The following DLG5 variants were observed in gnomAD, a reference collection of about 807,000 sequenced individuals.
The protein encoded by DLG5 is disks large homolog 5.
In DLG5, 48 loss-of-function variants were observed where a neutral mutation model predicts 189.8. That is an observed-to-expected ratio of 0.25 (90% confidence interval 0.20 to 0.32). DLG5 has a LOEUF of 0.32. DLG5 is among the 10% of genes least tolerant of loss of function. DLG5 has a pLI of 1.00. For synonymous variants in DLG5, 1,016 were observed against 1,054.1 expected, an observed-to-expected ratio of 0.96 and a Z score of 0.70; for missense variants, 2,160 against 2,544.7, an observed-to-expected ratio of 0.85 and a Z score of 3.25.
In DLG5 at chr10:77,829,439, C is replaced by T. The variant is rs1339927133; in HGVS notation, c.2101G>A (p.Ala701Thr). The change falls in exon 12 of 32, where the codon GCC becomes ACC. Residue 701 changes from alanine (A) to threonine (T), a missense_variant. Transcript: ENST00000372391. ...AIKALLNGEG[A>T]INMVVRRRKS... ...CTCCGCCGCACGACCATGTTGATGG[C>T]CCCCTCCCCATTGAGGAGCGCCTTG... 1.9e-6 allele frequency: 3 copies of T among 1,614,080 alleles called. No individual in the cohort carries two copies. Among genetic ancestry groups the T allele is most frequent in the Non-Finnish European group, 2.5e-6 (3 of 1,180,040 alleles).
At chr10:77,872,528 G>A (rs776441217) in intron 1 of DLG5, among the ~76,000 whole-genome samples, 2 of 152,180 alleles carry the variant, frequency 1.3e-5, no homozygotes, top group African/African-American at 2.4e-5. Context: ...GAGCTGGTGG[G>A]GGGAGTGGTT....
At chr10:77,935,969 A>G in the DLG5 span, among the ~76,000 whole-genome samples, 2 of 152,228 alleles carry the variant, frequency 1.3e-5, no homozygotes, top group Non-Finnish European at 2.9e-5. Flanking sequence ...GGAAAATGCC[A>G]TATTGCACAC....
Position 77,822,161 on chromosome 10 carries a change from A to T in DLG5, c.2383-60T>A, listed in dbSNP as rs977354486. ...TGAGATGGCAGGACTTGGAGCTGCC[A>T]CTGAAAACCATCCCCAGAGGTAAAG... On this transcript the variant is annotated intron_variant, in intron 14 of 31. Transcript: ENST00000372391. 74 of 1,548,348 alleles carry T rather than the reference A, an allele frequency of 4.8e-5. No individual in the cohort carries two copies. The African/African-American group carries it at 9.5e-4, about 20-fold the overall frequency.
chr10:77,846,536 A>T (rs1021389556), intron 5 of DLG5, among the ~76,000 whole-genome samples: 1 of 151,742 alleles, frequency 6.6e-6, no homozygotes, highest in African/African-American at 2.4e-5. Context: ...GTCTCTACTA[A>T]AAATACAAAA....
chr10:77,901,009 G>A (rs1429808718), intron 1 of DLG5, among the ~76,000 whole-genome samples: 1 of 151,936 alleles, frequency 6.6e-6, no homozygotes, highest in Non-Finnish European at 1.5e-5. Flanking sequence ...CAGCTACTTG[G>A]GAGGCTGAGG....
At chr10:77,798,384 T>C (rs1186037039) in intron 27 of DLG5, among the ~76,000 whole-genome samples, 4 of 152,000 alleles carry the variant, frequency 2.6e-5, no homozygotes, top group Admixed American at 2.6e-4. Context: ...GGCAAAGAAC[T>C]TCCTCCGAGA....
chr10:77,848,878 G>A (rs1414686098), intron 5 of DLG5, among the ~76,000 whole-genome samples: 2 of 152,090 alleles, frequency 1.3e-5, no homozygotes, highest in African/African-American at 2.4e-5. Context: ...TGCCCACATT[G>A]GTTGAAGATT....
At chr10:77,935,647 A>C in the DLG5 span, among the ~76,000 whole-genome samples, 1 of 152,208 alleles carries the variant, frequency 6.6e-6, no homozygotes, top group African/African-American at 2.4e-5. Context: ...GTGTCTGTGC[A>C]TGTTAGCGCA....
Position 77,856,854 on chromosome 10 carries a change from T to C in DLG5, c.412A>G (p.Thr138Ala). 1 of 1,612,260 alleles carries C rather than the reference T, an allele frequency of 6.2e-7. No homozygotes were observed. The highest frequency in any genetic ancestry group is 8.5e-7 in the Non-Finnish European group (1 of 1,179,878). The stretch of plus-strand genomic sequence containing the variant: ...ACCTTCTCATTCACTTGCTGGTCAG[T>C]GAGGAGGGGTGGTGGGGACGGCGCC... ...GKAPSPPPLL[T>A]DQQVNEKVEN... The change falls in exon 3 of 32, where the codon ACT becomes GCT. Residue 138 changes from threonine to alanine, a missense_variant. Physicochemically the swap from Thr to Ala is moderately conservative, Grantham distance 58. This residue lies in a region of DLG5 where 664 missense variants were observed against 838.5 expected (regional missense o/e 0.79). Coordinates refer to ENST00000372391, the MANE Select transcript of DLG5 (RefSeq NM_004747.4).
At chr10:77,799,974 T>C (rs1482022634) in intron 27 of DLG5, among the ~76,000 whole-genome samples, 2 of 152,016 alleles carry the variant, frequency 1.3e-5, no homozygotes, top group African/African-American at 4.8e-5. Context: ...CCTCCATATA[T>C]TCCTGAGACA....
chr10:77,826,437 G>A (rs1476460776), intron 13 of DLG5, among the ~76,000 whole-genome samples: 1 of 151,930 alleles, frequency 6.6e-6, no homozygotes, highest in East Asian at 1.9e-4. Context: ...ACCAGCCTGG[G>A]CAACATGGTG....
intron 1 of DLG5, among the ~76,000 whole-genome samples, chr10:77,899,791 C>G (rs2818830): frequency 1.3e-5 from 2 of 151,996 alleles, no homozygotes; most frequent in Non-Finnish European, 2.9e-5. Flanking sequence ...CCATCCCTGC[C>G]GCCCACTGGA....
chr10:77,849,286 G>A (rs536620099), intron 5 of DLG5, among the ~76,000 whole-genome samples: 15 of 152,350 alleles, frequency 9.8e-5, no homozygotes, highest in African/African-American at 2.6e-4. Flanking sequence ...GGAGGAACCC[G>A]GCAACAAAAC....
intron 20 of DLG5, among the ~76,000 whole-genome samples, chr10:77,815,728 G>A (rs1288844079): frequency 6.6e-6 from 1 of 152,230 alleles, no homozygotes; most frequent in Non-Finnish European, 1.5e-5. Context: ...AGAGGCCTCA[G>A]CTTTCTGGAC....
intron 1 of DLG5, among the ~76,000 whole-genome samples, chr10:77,887,194 G>A (rs1845465809): frequency 6.6e-6 from 1 of 152,116 alleles, no homozygotes; most frequent in Non-Finnish European, 1.5e-5. Flanking sequence ...AGAACCCCAA[G>A]GCTCTCCAAG....
At chr10:77,825,599 AG>A (rs989302838) in intron 13 of DLG5, among the ~76,000 whole-genome samples, 1 of 151,376 alleles carries the variant, frequency 6.6e-6, no homozygotes, top group Non-Finnish European at 1.5e-5. Context: ...TCTGTCCCTC[AG>A]GCTGAAGTGC....
chr10:77,842,869 A>G (rs1174559787), intron 6 of DLG5, among the ~76,000 whole-genome samples: 1 of 152,244 alleles, frequency 6.6e-6, no homozygotes, highest in East Asian at 1.9e-4. Context: ...TGCAGCAGAG[A>G]CATCTGTCTG....
intron 1 of DLG5, among the ~76,000 whole-genome samples, chr10:77,918,359 C>A (rs1846432519): frequency 6.6e-6 from 1 of 151,890 alleles, no homozygotes; most frequent in South Asian, 2.1e-4. Context: ...GTTGCATGAG[C>A]CGAGATCGCA....
chr10:77,869,233 A>G (rs768609185), intron 1 of DLG5, 36 bp from the exon 2 acceptor site: 2 of 1,600,822 alleles, frequency 1.2e-6, no homozygotes, highest in Admixed American at 1.7e-5. Flanking sequence ...ACTAACCCCA[A>G]GGGGTCACTC....
Sources: gnomAD v4.1 joint callset for allele counts (sites outside exome capture counted in the v4.1 genomes callset) on GRCh38, gnomAD v4.1.1 for gene constraint, gnomAD v4.1.1 regional missense constraint, MANE v1.5 for transcripts, NCBI Gene and HGNC (gene_info 2026-07-23, HGNC 2026-07-21) for gene names.